ASPA: variants seen among roughly 807,000 people sequenced by gnomAD.
ASPA encodes the protein ACY-2.
In ASPA, 25 loss-of-function variants were observed where a neutral mutation model predicts 29.6. That is an observed-to-expected ratio of 0.85 (90% CI 0.62 to 1.18). The LOEUF is 1.18. Ranked by LOEUF, ASPA falls within the 50% of genes most tolerant of loss-of-function variation. ASPA has a pLI of 0.00. For missense variants in ASPA, 333 were observed against 385.7 expected, an observed-to-expected ratio of 0.86 and a Z score of 1.14; for synonymous variants, 131 against 130.3, an observed-to-expected ratio of 1.01 and a Z score of -0.04.
intron 4 of ASPA, 25 bp downstream of exon 4, chr17:3,489,367 A>G (rs779738539): frequency 6.5e-7 from 1 of 1,538,832 alleles, no homozygotes; most frequent in South Asian, 1.1e-5. Flanking sequence ...AGGTAACGTT[A>G]TCAAACTTAA....
chr17:3,486,758 C>A (rs959209231), intron 3 of ASPA, among the ~76,000 whole-genome samples: 5 of 152,082 alleles, frequency 3.3e-5, no homozygotes, highest in African/African-American at 1.2e-4. Context: ...AAATTAAAAT[C>A]TAAAATTATT....
At chr17:3,480,315 T>C (rs2073605506) in intron 1 of ASPA, among the ~76,000 whole-genome samples, 1 of 152,244 alleles carries the variant, frequency 6.6e-6, no homozygotes, top group African/African-American at 2.4e-5. Context: ...CAGAGTTTTA[T>C]TATTACTCAA....
rs1227995518 is a variant in ASPA at position 3,501,344 on chromosome 17, T to G, written c.*2256T>G. ...CAAAATATCAACATTAACAGGAGTT[T>G]GGAAAAAGTGAATTCCAACCCTCTT... On this transcript the variant is annotated 3_prime_UTR_variant, in exon 6 of 6. Transcript: ENST00000263080. The G allele has an allele frequency of 6.6e-6, 1 of 152,100 alleles. No individual in the cohort carries two copies. Among genetic ancestry groups the G allele is most frequent in the African/African-American group, 2.4e-5 (1 of 41,406 alleles). The allele number at this position is 152,100 out of a possible 1,614,324, so 9.4% of individuals were successfully genotyped here. A position where few individuals can be genotyped will look rare whatever the true frequency, so the allele number is the denominator to read the frequency against.
chr17:3,479,691 C>A (rs559180403), intron 1 of ASPA, among the ~76,000 whole-genome samples: 1 of 152,184 alleles, frequency 6.6e-6, no homozygotes, highest in South Asian at 2.1e-4. Context: ...CTCAAGATGC[C>A]GGCTTTGTCC....
Position 3,483,597 on chromosome 17 carries a change from G to GT in ASPA, c.526+6dup. The GT allele has an allele frequency of 6.2e-7, 1 of 1,602,788 alleles. No homozygotes were observed. Among genetic ancestry groups the GT allele is most frequent in the Non-Finnish European group, 8.5e-7 (1 of 1,169,708 alleles). ...CCATAGCCAAGTATCCTGTGGGTAA[G>GT]TCATAGTTCCCACTGTCATAACTCA... On this transcript the variant is annotated splice_donor_region_variant and intron_variant, in intron 3 of 5. Transcript: ENST00000263080.
intron 1 of ASPA, among the ~76,000 whole-genome samples, chr17:3,477,751 G>C (rs1238158432): frequency 6.6e-6 from 1 of 152,118 alleles, no homozygotes; most frequent in Admixed American, 6.5e-5. Flanking sequence ...ACCGCGCTGG[G>C]CCGCTTTTTT....
intron 4 of ASPA, among the ~76,000 whole-genome samples, chr17:3,491,202 G>A (rs1402571444): frequency 6.6e-6 from 1 of 152,172 alleles, no homozygotes; most frequent in African/African-American, 2.4e-5. Context: ...GATCCAAGAA[G>A]TCCTGACAAT....
Position 3,483,516 on chromosome 17 carries a change from A to T in ASPA, c.450A>T (p.Leu150=), listed in dbSNP as rs753998173. The T allele has an allele frequency of 6.2e-7, 1 of 1,614,072 alleles. No individual in the cohort carries two copies. The highest frequency in any genetic ancestry group is 1.1e-5 in the South Asian group (1 of 91,070). ...TTTTTCAGACTTCTCTGGCTCCACT[A>T]CCCTGCTACGTTTATCTGATTGAGC... ...FHYIKTSLAP[L]PCYVYLIEHP... Residue 150 remains leucine (L), a synonymous_variant, in exon 3 of 6, where the codon CTA becomes CTT. Transcript: ENST00000263080.
chr17:3,489,469 T>C, intron 4 of ASPA, 127 bp downstream of exon 4: 1 of 737,912 alleles, frequency 1.4e-6, no homozygotes, highest in South Asian at 1.6e-5. Flanking sequence ...TCACTTCAGC[T>C]ATTCCCCAAT....
chr17:3,487,895 A>G (rs1355445961), intron 3 of ASPA, among the ~76,000 whole-genome samples: 3 of 152,210 alleles, frequency 2.0e-5, no homozygotes, highest in African/African-American at 7.2e-5. Flanking sequence ...CATATCTACA[A>G]ACACACTTTT....
In ASPA at chr17:3,488,270, A is replaced by G. The variant is rs147515640; in HGVS notation, c.527-965A>G. Among the ~76,000 whole-genome samples, 64 of 152,340 alleles carry G rather than the reference A, an allele frequency of 4.2e-4. No homozygotes were observed. Among genetic ancestry groups the G allele is most frequent in the African/African-American group, 1.3e-3 (55 of 41,578 alleles). On this transcript the variant is annotated intron_variant, in intron 3 of 5. Coordinates refer to ENST00000263080, the MANE Select transcript of ASPA (RefSeq NM_000049.4). The surrounding 1 kb of genome is among the most constrained non-coding windows in gnomAD (Gnocchi z 6.1). ...GAAAGAGTATTTTGTAGATGTAAGG[A>G]TGGATGCTTAACAGCCACACAAAGT...
chr17:3,495,435 A>G (rs1366624144), intron 5 of ASPA, among the ~76,000 whole-genome samples: 2 of 152,246 alleles, frequency 1.3e-5, no homozygotes, highest in African/African-American at 4.8e-5. Flanking sequence ...AGTCATCCAG[A>G]CTTGCAACTG....
chr17:3,496,648 T>C (rs1171128668), intron 5 of ASPA, among the ~76,000 whole-genome samples: 1 of 152,168 alleles, frequency 6.6e-6, no homozygotes, highest in Non-Finnish European at 1.5e-5. Context: ...TGACAGTTCT[T>C]ACTAAGGGAT....
intron 4 of ASPA, among the ~76,000 whole-genome samples, chr17:3,492,152 C>T (rs1260321529): frequency 1.3e-5 from 2 of 152,186 alleles, no homozygotes; most frequent in Admixed American, 1.3e-4. Flanking sequence ...ATTGGGGTTA[C>T]AGGCCTGCGC....
At chr17:3,491,440 G>A (rs571163392) in intron 4 of ASPA, among the ~76,000 whole-genome samples, 8 of 152,138 alleles carry the variant, frequency 5.3e-5, no homozygotes, top group Non-Finnish European at 1.0e-4. Context: ...TGAAGAGCTT[G>A]AAAATCATAA....
chr17:3,489,140 C>T (rs2073777032), intron 3 of ASPA, 95 bp from the exon 4 acceptor site: 2 of 806,704 alleles, frequency 2.5e-6, no homozygotes, highest in Non-Finnish European at 4.1e-6. Flanking sequence ...ATAATTTTAA[C>T]AACATAATTC....
In ASPA at chr17:3,488,656, C is replaced by T. The variant is rs376233351; in HGVS notation, c.527-579C>T. ...TGGGTGACAGAGTGAGACTCTGTCT[C>T]GAAAAAATAAATAAATAAATAAAAC... On this transcript the variant is annotated intron_variant, in intron 3 of 5. Transcript: ENST00000263080. This position sits in a 1 kb window ranked among gnomAD's most constrained non-coding sequence, Gnocchi z 6.1. 1.1e-3 allele frequency among the ~76,000 whole-genome samples: 168 copies of T among 151,622 alleles called. No individual in the cohort carries two copies. Among genetic ancestry groups the T allele is most frequent in the African/African-American group, 3.9e-3 (160 of 41,278 alleles).
intron 4 of ASPA, 98 bp from the exon 5 acceptor site, chr17:3,494,252 A>T (rs2073873797): frequency 8.1e-6 from 7 of 869,104 alleles, no homozygotes; most frequent in Non-Finnish European, 1.2e-5. Context: ...GATCCACCCA[A>T]CTCGGCCTCC....
At chr17:3,483,983 A>C (rs1233757824) in intron 3 of ASPA, among the ~76,000 whole-genome samples, 1 of 152,190 alleles carries the variant, frequency 6.6e-6, no homozygotes, top group East Asian at 1.9e-4. Flanking sequence ...AAAAACATTT[A>C]CAGCTACCTT....
Sources: allele counts gnomAD v4.1 joint callset (sites outside exome capture counted in the v4.1 genomes callset), GRCh38; gene constraint gnomAD v4.1.1; non-coding constraint Gnocchi (gnomAD v3.1); transcripts MANE v1.5; gene names NCBI Gene and HGNC (gene_info 2026-07-23, HGNC 2026-07-21).